The following NAA35 variants were observed in gnomAD, a reference collection of about 807,000 sequenced individuals.
The protein encoded by NAA35 is MAK10 homolog, amino-acid N-acetyltransferase subunit.
NAA35 carries 18 observed loss-of-function variants against 101.7 expected under a neutral mutation model. The observed-to-expected ratio is 0.18, with a 90% CI of 0.12 to 0.26. NAA35 has a LOEUF of 0.26. NAA35 is among the 10% of genes least tolerant of loss of function. The pLI is 1.00. For synonymous variants in NAA35, 267 were observed against 273.1 expected (o/e 0.98, Z 0.22); for missense variants, 601 against 886.8 (o/e 0.68, Z 4.09).
At chr9:85,959,970 A>G (rs1829440940) in intron 5 of NAA35, 103 bp downstream of exon 5, 4 of 755,252 alleles carry the variant, frequency 5.3e-6, no homozygotes. Flanking sequence ...AAATAAATGT[A>G]ATACTTGCCC....
In NAA35 at chr9:86,021,430, C is replaced by T. The variant is rs192206332; in HGVS notation, c.2118+461C>T. ...GCAGAGATTCTGCGCTGTGGAGAGG[C>T]CAGCCGCGGAGGCACCGTGGGGGCA... On this transcript the variant is annotated intron_variant, in intron 22 of 22. Coordinates refer to ENST00000361671, the MANE Select transcript of NAA35 (RefSeq NM_024635.4). Among the ~76,000 whole-genome samples, 26 of 152,272 alleles carry T rather than the reference C, an allele frequency of 1.7e-4. 1 individual carries two copies. The highest frequency in any genetic ancestry group is 1.7e-3 in the Admixed American group (26 of 15,284).
intron 2 of NAA35, among the ~76,000 whole-genome samples, chr9:85,955,360 A>ATATATATATT (rs749448250): frequency 1.9e-5 from 1 of 53,932 alleles, no homozygotes; most frequent in Non-Finnish European, 3.0e-5. Context: ...ATATATATAT[A>ATATATATATT]TTTTTTTTTT....
At chr9:86,019,171 T>TAC (rs1832393239) in intron 21 of NAA35, among the ~76,000 whole-genome samples, 1 of 152,108 alleles carries the variant, frequency 6.6e-6, no homozygotes, top group Admixed American at 6.5e-5. Flanking sequence ...AGTAGTTTGT[T>TAC]AAAGGGGCCA....
chr9:85,986,964 C>G (rs944024365), intron 11 of NAA35: 2 of 159,426 alleles, frequency 1.3e-5, no homozygotes, highest in Admixed American at 1.2e-4. Flanking sequence ...ATAAAATATG[C>G]TAATGAGAGC....
intron 2 of NAA35, among the ~76,000 whole-genome samples, chr9:85,945,166 G>C (rs1828705758): frequency 6.6e-6 from 1 of 152,182 alleles, no homozygotes; most frequent in Non-Finnish European, 1.5e-5. Flanking sequence ...ACTGTGGATA[G>C]AGAGGGGGTG....
At chr9:85,960,432 AT>A (rs1431517635) in intron 5 of NAA35, among the ~76,000 whole-genome samples, 2 of 152,090 alleles carry the variant, frequency 1.3e-5, no homozygotes, top group Non-Finnish European at 2.9e-5. Flanking sequence ...CCTTAGAAAT[AT>A]GTAAAATTTA....
At chr9:85,942,913 C>T (rs965528840) in intron 2 of NAA35, among the ~76,000 whole-genome samples, 6 of 152,178 alleles carry the variant, frequency 3.9e-5, no homozygotes, top group African/African-American at 1.4e-4. Context: ...TGGTGAGGAC[C>T]TCAAAACAAC....
In NAA35 at chr9:85,975,097, A is replaced by G; in HGVS notation, c.584-17A>G. ...TTTCATATGTTTCCTTTTAAAACTT[A>G]TTGTTTCTTTTTCTAGGCATGCTAA... is the stretch of plus-strand genomic sequence containing the variant. On this transcript the variant is annotated splice_polypyrimidine_tract_variant and intron_variant, in intron 7 of 22. Coordinates refer to ENST00000361671, the MANE Select transcript of NAA35 (RefSeq NM_024635.4). The G allele has an allele frequency of 6.2e-7, 1 of 1,613,150 alleles. No individual in the cohort carries two copies. Among genetic ancestry groups the G allele is most frequent in the Non-Finnish European group, 8.5e-7 (1 of 1,179,504 alleles).
At chr9:86,017,325 ATATTT>A (rs2118487471) in intron 18 of NAA35, among the ~76,000 whole-genome samples, 168 bp from the exon 19 acceptor site, 1 of 152,366 alleles carries the variant, frequency 6.6e-6, no homozygotes, top group Non-Finnish European at 1.5e-5. Flanking sequence ...CATGATTATT[ATATTT>A]TATTTGTAGA....
intron 5 of NAA35, among the ~76,000 whole-genome samples, chr9:85,960,441 T>G (rs1051300246): frequency 6.6e-6 from 1 of 152,216 alleles, no homozygotes; most frequent in Non-Finnish European, 1.5e-5. Flanking sequence ...TATGTAAAAT[T>G]TATTCATTTG....
At chr9:85,970,697 T>C (rs1160582360) in intron 6 of NAA35, among the ~76,000 whole-genome samples, 1 of 152,330 alleles carries the variant, frequency 6.6e-6, no homozygotes, top group East Asian at 1.9e-4. Context: ...ATATACTATT[T>C]TGAAGTACTG....
Position 85,960,472 on chromosome 9 carries a change from T to G in NAA35, c.348+605T>G, listed in dbSNP as rs1207746205. Among the ~76,000 whole-genome samples, 3 of 152,226 alleles carry G rather than the reference T, an allele frequency of 2.0e-5. No individual in the cohort carries two copies. The East Asian group carries it at 5.8e-4, about 29-fold the overall frequency. ...ATTTGTTCATTCAGCATTTATTGATTGCTAGTGTGTGTACTTGTATTAGGT... is the reference window on the plus strand; with the variant it reads ...ATTTGTTCATTCAGCATTTATTGATGGCTAGTGTGTGTACTTGTATTAGGT... On this transcript the variant is annotated intron_variant, in intron 5 of 22. Coordinates refer to ENST00000361671, the MANE Select transcript of NAA35 (RefSeq NM_024635.4).
At chr9:85,996,116 T>A (rs551913720) in intron 11 of NAA35, among the ~76,000 whole-genome samples, 1 of 152,160 alleles carries the variant, frequency 6.6e-6, no homozygotes, top group South Asian at 2.1e-4. Flanking sequence ...ATCCTCAGAG[T>A]TTTTTCTTTG....
At chr9:85,967,449 G>A (rs1829800399) in intron 6 of NAA35, among the ~76,000 whole-genome samples, 1 of 152,060 alleles carries the variant, frequency 6.6e-6, no homozygotes, top group Non-Finnish European at 1.5e-5. Context: ...AGATAAGTTT[G>A]TCTTAGTCTT....
intron 12 of NAA35, among the ~76,000 whole-genome samples, chr9:86,002,590 T>G (rs1831464140): frequency 6.6e-6 from 1 of 152,170 alleles, no homozygotes; most frequent in African/African-American, 2.4e-5. Flanking sequence ...TCTGACTGTC[T>G]TATTTCAGAG....
chr9:85,954,795 G>T (rs1252445059), intron 2 of NAA35, among the ~76,000 whole-genome samples: 1 of 152,160 alleles, frequency 6.6e-6, no homozygotes, highest in East Asian at 1.9e-4. Flanking sequence ...AATAAAAAAA[G>T]ACAACGAATG....
intron 11 of NAA35, among the ~76,000 whole-genome samples, chr9:85,995,006 A>C (rs1426230571): frequency 6.6e-6 from 1 of 152,160 alleles, no homozygotes; most frequent in East Asian, 1.9e-4. Flanking sequence ...AATACATAAC[A>C]ACTATCATAC....
chr9:85,945,722 T>C (rs1828733544), intron 2 of NAA35, among the ~76,000 whole-genome samples: 1 of 152,200 alleles, frequency 6.6e-6, no homozygotes, highest in Admixed American at 6.5e-5. Flanking sequence ...GGTTTCACCG[T>C]GTTAGTCAGG....
intron 2 of NAA35, among the ~76,000 whole-genome samples, 190 bp from the exon 3 acceptor site, chr9:85,956,170 T>C (rs1023061086): frequency 5.9e-5 from 9 of 152,240 alleles, no homozygotes; most frequent in Non-Finnish European, 8.8e-5. Flanking sequence ...TATCGTATTC[T>C]TTTGTATTTA....
Sources: gnomAD v4.1 joint callset for allele counts (sites outside exome capture counted in the v4.1 genomes callset) on GRCh38, gnomAD v4.1.1 for gene constraint, MANE v1.5 for transcripts, NCBI Gene and HGNC (gene_info 2026-07-23, HGNC 2026-07-21) for gene names.